The following ANO2 variants were observed in gnomAD, a reference collection of about 807,000 sequenced individuals.
The protein encoded by ANO2 is anoctamin-2.
A neutral mutation model predicts 124.2 loss-of-function variants in ANO2; 101 were observed. The observed-to-expected ratio is 0.81, with a 90% CI of 0.69 to 0.96. ANO2 has a LOEUF of 0.96. ANO2 is among the 40% of genes least tolerant of loss of function. The pLI, the probability that ANO2 is intolerant of heterozygous loss-of-function variation, is 0.00. For synonymous variants in ANO2, 486 were observed against 482.5 expected, an observed-to-expected ratio of 1.01 and a Z score of -0.09; for missense variants, 1,293 against 1,274.5, an observed-to-expected ratio of 1.01 and a Z score of -0.22.
chr12:5,629,848 C>T (rs1945616135), intron 16 of ANO2, among the ~76,000 whole-genome samples: 1 of 152,212 alleles, frequency 6.6e-6, no homozygotes, highest in Non-Finnish European at 1.5e-5. Flanking sequence ...CTTCCCACCA[C>T]CCCAGGGTTC....
intron 20 of ANO2, among the ~76,000 whole-genome samples, chr12:5,591,798 G>T (rs1358204389): frequency 6.6e-6 from 1 of 152,136 alleles, no homozygotes; most frequent in Non-Finnish European, 1.5e-5. Context: ...AACTCTGGAG[G>T]GAACAGGCAT....
At chr12:5,879,265 G>C (rs374762862) in intron 3 of ANO2, among the ~76,000 whole-genome samples, 1 of 91,858 alleles carries the variant, frequency 1.1e-5, no homozygotes, top group African/African-American at 3.1e-5. Context: ...AAATAAGAAG[G>C]GACTGTACTC....
chr12:5,582,706 T>C (rs549295894), intron 20 of ANO2, among the ~76,000 whole-genome samples: 6 of 152,364 alleles, frequency 3.9e-5, no homozygotes, highest in African/African-American at 1.4e-4. Flanking sequence ...GGAGATCAAC[T>C]CCGCCTGCCT....
chr12:5,816,469 T>C lies in ANO2; in HGVS notation c.893-9101A>G, dbSNP rs911327605. Reference sequence around the variant, plus strand: ...GAAGTAGAGTTCAGTCACATGTCTCTTGTTACAAAGCTAGTAAGTCCTCAG... The same window carrying C: ...GAAGTAGAGTTCAGTCACATGTCTCCTGTTACAAAGCTAGTAAGTCCTCAG... On this transcript the variant is annotated intron_variant, in intron 7 of 24. Transcript: ENST00000682330. Among the ~76,000 whole-genome samples, 4 of 152,152 alleles carry C rather than the reference T, an allele frequency of 2.6e-5. No individual in the cohort carries two copies. The South Asian group carries it at 6.2e-4, about 24-fold the overall frequency.
chr12:5,742,701 A>C lies in ANO2; in HGVS notation c.1351+1456T>G, dbSNP rs191405166. Among the ~76,000 whole-genome samples the C allele has an allele frequency of 3.3e-5, 5 of 152,338 alleles. No individual in the cohort carries two copies. The East Asian group carries it at 9.7e-4, about 29-fold the overall frequency. On this transcript the variant is annotated intron_variant, in intron 12 of 24. Coordinates refer to ENST00000682330, the MANE Select transcript of ANO2 (RefSeq NM_001364791.2). ...GCAACTCAATGGTGGTAATATCTGC[A>C]AGACAAATTATGGGCATTAGAGTTG...
At chr12:5,917,442 C>G (rs76434638) in intron 3 of ANO2, among the ~76,000 whole-genome samples, 5,369 of 152,038 alleles carry the variant, frequency 0.035, 351 homozygotes, top group African/African-American at 0.12. Context: ...AACCTGGCAA[C>G]AGTAAATAAT....
chr12:5,564,644 A>T (rs2136818260), intron 24 of ANO2: 1 of 152,236 alleles, frequency 6.6e-6, no homozygotes, highest in African/African-American at 2.4e-5. Context: ...CTTCCTCTGA[A>T]TCCACTCCTT....
At chr12:5,941,688 C>T (rs866093310) in intron 1 of ANO2, among the ~76,000 whole-genome samples, 3 of 148,358 alleles carry the variant, frequency 2.0e-5, no homozygotes, top group Admixed American at 6.7e-5. Context: ...AAGAAAACCA[C>T]ACCTAGATAC....
In ANO2 at chr12:5,565,443, T is replaced by C; in HGVS notation, c.2727+115A>G. 6 of 933,628 alleles carry C rather than the reference T, an allele frequency of 6.4e-6. No homozygotes were observed. In the South Asian group the frequency reaches 9.5e-5, roughly 15 times the overall value. The allele number at this position is 933,628 out of a possible 1,614,324, so 57.8% of individuals were successfully genotyped here. On this transcript the variant is annotated intron_variant, in intron 24 of 24. Transcript: ENST00000682330. ...CACTTCTGCCTGCCACACATGAAGC[T>C]TTCTTATGTCACAGAGTACCACCGG...
At chr12:5,929,735 G>A (rs1211407052) in intron 1 of ANO2, among the ~76,000 whole-genome samples, 1 of 149,862 alleles carries the variant, frequency 6.7e-6, no homozygotes, top group Admixed American at 6.6e-5. Context: ...TTCCTTATTA[G>A]TCACTTTCTT....
chr12:5,720,575 A>T (rs1415885989), intron 14 of ANO2, among the ~76,000 whole-genome samples: 1 of 152,240 alleles, frequency 6.6e-6, no homozygotes, highest in Non-Finnish European at 1.5e-5. Context: ...TCCCAATGGT[A>T]TGTGCTGGCC....
intron 10 of ANO2, among the ~76,000 whole-genome samples, chr12:5,763,489 A>G (rs1355344830): frequency 2.6e-5 from 4 of 152,058 alleles, no homozygotes; most frequent in Non-Finnish European, 5.9e-5. Flanking sequence ...CTACAAATGT[A>G]TGAGGGTTGA....
intron 14 of ANO2, among the ~76,000 whole-genome samples, chr12:5,650,081 T>C (rs393557): frequency 0.42 from 63,899 of 151,902 alleles, 15,538 homozygotes; most frequent in African/African-American, 0.66. Flanking sequence ...TTTTCCTGAG[T>C]CCCCCTGGAG....
At chr12:5,632,818 A>T (rs926189527) in intron 16 of ANO2, among the ~76,000 whole-genome samples, 1 of 152,192 alleles carries the variant, frequency 6.6e-6, no homozygotes, top group Non-Finnish European at 1.5e-5. Context: ...ACAAATGAAC[A>T]GGAAGGAGAA....
At chr12:5,803,595 G>A (rs1166201468) in intron 9 of ANO2, among the ~76,000 whole-genome samples, 1 of 152,124 alleles carries the variant, frequency 6.6e-6, no homozygotes, top group African/African-American at 2.4e-5. Context: ...CCACTTCTCT[G>A]GGAATTTCCA....
At chr12:5,753,215 C>CTG (rs1227483020) in intron 10 of ANO2, among the ~76,000 whole-genome samples, 1 of 152,038 alleles carries the variant, frequency 6.6e-6, no homozygotes, top group Non-Finnish European at 1.5e-5. Context: ...AATTTAAGGG[C>CTG]TTCAATATTT....
chr12:5,687,235 CTTGAG>C (rs968128902), intron 14 of ANO2, among the ~76,000 whole-genome samples: 12 of 152,356 alleles, frequency 7.9e-5, no homozygotes, highest in African/African-American at 2.4e-4. Context: ...GTTCTACTCT[CTTGAG>C]TTATTTTCCA....
chr12:5,640,328 C>A (rs1248455416), intron 15 of ANO2, among the ~76,000 whole-genome samples: 6 of 152,170 alleles, frequency 3.9e-5, no homozygotes, highest in African/African-American at 1.4e-4. Context: ...AACTTTATCA[C>A]AGAAAGTTAC....
Position 5,829,239 on chromosome 12 carries a change from A to C in ANO2, c.840+1196T>G, listed in dbSNP as rs577006824. 3.9e-5 allele frequency among the ~76,000 whole-genome samples: 6 copies of C among 152,346 alleles called. No individual in the cohort carries two copies. In the East Asian group the frequency reaches 1.2e-3, roughly 29 times the overall value. On this transcript the variant is annotated intron_variant, in intron 6 of 24. Coordinates refer to ENST00000682330, the MANE Select transcript of ANO2 (RefSeq NM_001364791.2). ...TACGAGTACTTTGCAATTATCGAGT[A>C]ATCTCCACAACACCTTATAACTCCC...
Sources: allele counts gnomAD v4.1 joint callset (sites outside exome capture counted in the v4.1 genomes callset), GRCh38; gene constraint gnomAD v4.1.1; transcripts MANE v1.5; gene names NCBI Gene and HGNC (gene_info 2026-07-23, HGNC 2026-07-21).